SP110: variants seen among roughly 807,000 people sequenced by gnomAD.
SP110 encodes the protein SP110 nuclear body protein.
SP110 carries 62 observed loss-of-function variants against 92.7 expected under a neutral mutation model. That is an observed-to-expected ratio of 0.67 (90% CI 0.55 to 0.83). The LOEUF is 0.83. SP110 is among the 40% of genes least tolerant of loss of function. The pLI, the probability that SP110 is intolerant of heterozygous loss-of-function variation, is 0.00. For synonymous variants in SP110, 273 were observed against 305.3 expected, an observed-to-expected ratio of 0.89 and a Z score of 1.10; for missense variants, 793 against 863.9, an observed-to-expected ratio of 0.92 and a Z score of 1.03.
intron 8 of SP110, among the ~76,000 whole-genome samples, chr2:230,207,303 A>G (rs2043974918): frequency 1.3e-5 from 2 of 152,170 alleles, no homozygotes; most frequent in Admixed American, 6.5e-5. Flanking sequence ...GGGTTTGTGT[A>G]TGGGAGACAG....
intron 10 of SP110, among the ~76,000 whole-genome samples, chr2:230,192,985 T>C (rs2042704449): frequency 6.6e-6 from 1 of 152,190 alleles, no homozygotes; most frequent in South Asian, 2.1e-4. Context: ...TGTTGTCTTA[T>C]CTCTTTTCTT....
At position 230,202,683 on chromosome 2, in the gene SP110, AC is replaced by A. The variant is rs1226491943; in HGVS notation, c.943del (p.Val315TrpfsTer17). On this transcript the variant is annotated frameshift_variant, in exon 9 of 19. Transcript: ENST00000258381. LOFTEE classifies it high-confidence loss of function. Reference protein sequence around the residue: ...RHGIQKKLKRVDQVPQKKDDS... With the variant: ...RHGIQKKLKRXDQVPQKKDDS... ...ATCTTTCTTTTGAGGAACCTGATCCACCCTTTTGAGCTTCTTTTGGATTCCG... is the reference window on the plus strand; with the variant it reads ...ATCTTTCTTTTGAGGAACCTGATCCACCTTTTGAGCTTCTTTTGGATTCCG... The A allele has an allele frequency of 1.9e-6, 3 of 1,613,916 alleles. No individual in the cohort carries two copies. Among genetic ancestry groups the A allele is most frequent in the Non-Finnish European group, 2.5e-6 (3 of 1,179,942 alleles).
At position 230,170,745 on chromosome 2, in the gene SP110, T is replaced by A; in HGVS notation, c.1904A>T (p.Glu635Val). Residue 635 changes from glutamate (E) to valine (V), a missense_variant, in exon 18 of 19, where the codon GAG becomes GTG. Coordinates refer to ENST00000258381, the MANE Select transcript of SP110 (RefSeq NM_080424.4). Reference protein sequence around the residue: ...GIPFNIRDYGEPFQEAMWLDL... With the variant: ...GIPFNIRDYGVPFQEAMWLDL... ...CAACCACATTGCTTCCTGAAAGGGC[T>A]CACCGTAATCTCGAATCTTGGGGAC... 6.2e-7 allele frequency: 1 copy of A among 1,614,116 alleles called. No homozygotes were observed. The highest frequency in any genetic ancestry group is 1.7e-5 in the Admixed American group (1 of 60,016).
chr2:230,182,073 T>G (rs2042150207), intron 12 of SP110, among the ~76,000 whole-genome samples: 1 of 152,168 alleles, frequency 6.6e-6, no homozygotes. Flanking sequence ...CCATGAATTA[T>G]AGACTGGATA....
intron 12 of SP110, among the ~76,000 whole-genome samples, chr2:230,182,450 G>A (rs562241687): frequency 2.0e-5 from 3 of 150,244 alleles, no homozygotes; most frequent in African/African-American, 7.3e-5. Flanking sequence ...CATGTATCCT[G>A]GAACTTAAAA....
chr2:230,181,609 AAAGC>A (rs931740554), intron 12 of SP110, among the ~76,000 whole-genome samples: 3 of 152,312 alleles, frequency 2.0e-5, no homozygotes, highest in African/African-American at 7.2e-5. Context: ...TTACAAGAAA[AAAGC>A]AAACAACACC....
chr2:230,173,325 T>C (rs1397085762), intron 14 of SP110: 2 of 310,052 alleles, frequency 6.5e-6, no homozygotes, highest in Non-Finnish European at 1.3e-5. Context: ...CTGACCAAAG[T>C]AAGAAATGAT....
At chr2:230,194,564 T>C (rs1236708014) in intron 10 of SP110, among the ~76,000 whole-genome samples, 2 of 152,110 alleles carry the variant, frequency 1.3e-5, no homozygotes. Flanking sequence ...AAATGCAGCT[T>C]TTTTGTTTCT....
At chr2:230,172,760 C>T (rs2078480212) in intron 15 of SP110, 84 bp downstream of exon 15, 2 of 903,788 alleles carry the variant, frequency 2.2e-6, no homozygotes, top group Admixed American at 3.7e-5. Flanking sequence ...TGCGTCACAC[C>T]CTCGTCCCCG....
At chr2:230,212,696 C>T (rs558907889) in intron 4 of SP110, 65 bp downstream of exon 4, 133 of 1,588,114 alleles carry the variant, frequency 8.4e-5, no homozygotes, top group Non-Finnish European at 9.8e-5. Flanking sequence ...CTGGGATTGG[C>T]GGCAACATGG....
chr2:230,206,595 T>TATATATA (rs2043840701), intron 8 of SP110, among the ~76,000 whole-genome samples: 1 of 70,508 alleles, frequency 1.4e-5, no homozygotes, highest in Non-Finnish European at 2.8e-5. Context: ...GGTCCAGATT[T>TATATATA]TATATATATA....
rs41309088 is a variant in SP110 at position 230,212,968 on chromosome 2, C to T, written c.376G>A (p.Gly126Ser). The T allele has an allele frequency of 0.015, 24,606 of 1,613,966 alleles. 315 individuals carry two copies. Among genetic ancestry groups the T allele is most frequent in the Non-Finnish European group, 0.015 (18,166 of 1,179,950 alleles). Reference protein sequence around the residue: ...DTPILLEAPTGLAEGSSLHTP... With the variant: ...DTPILLEAPTSLAEGSSLHTP... ...TGGAGGGAGCTTCCTTCTGCTAGGC[C>T]AGTTGGGGCTTCAAGTAGGATTGGT... The change falls in exon 4 of 19, where the codon GGC (glycine) becomes AGC (serine). Residue 126 changes from glycine (G) to serine (S), a missense_variant. Coordinates refer to ENST00000258381, the MANE Select transcript of SP110 (RefSeq NM_080424.4).
At chr2:230,193,832 G>C (rs894273808) in intron 10 of SP110, among the ~76,000 whole-genome samples, 3 of 152,266 alleles carry the variant, frequency 2.0e-5, no homozygotes, top group Admixed American at 2.0e-4. Context: ...GCTCAGTTGG[G>C]GCCATTTTGG....
chr2:230,196,829 G>C (rs2042899429), intron 10 of SP110, among the ~76,000 whole-genome samples: 1 of 152,140 alleles, frequency 6.6e-6, no homozygotes, highest in African/African-American at 2.4e-5. Flanking sequence ...TGCAGAGAAT[G>C]ATGGTTTCCA....
At chr2:230,216,749 G>A in intron 2 of SP110, 32 bp downstream of exon 2, 1 of 1,612,584 alleles carries the variant, frequency 6.2e-7, no homozygotes. Flanking sequence ...GGTGGGGGCT[G>A]GGCTGCCATG....
chr2:230,176,591 A>C, intron 14 of SP110: 5 of 1,612,656 alleles, frequency 3.1e-6, no homozygotes, highest in Middle Eastern at 1.6e-4. Flanking sequence ...CAGAGCTTGG[A>C]AACTCAGAAG....
Position 230,186,001 on chromosome 2 carries a change from T to G in SP110, c.1272A>C (p.Arg424Ser). 1.2e-6 allele frequency: 2 copies of G among 1,614,104 alleles called. No homozygotes were observed. Among genetic ancestry groups the G allele is most frequent in the Non-Finnish European group, 1.7e-6 (2 of 1,179,944 alleles). The change falls in exon 11 of 19, where the codon AGA (arginine) becomes AGC (serine). Residue 424 changes from arginine to serine, a missense_variant. By Grantham distance (110) the Arg-to-Ser change is moderately radical. Transcript: ENST00000258381. ...KARTKCARKS[R>S]LKEKKKEKDI... Reference sequence around the variant, plus strand: ...TTCCATCATTAGCCTTACCTTTCAATCTGGACTTTCGGGCACATTTAGTTC... The same window carrying G: ...TTCCATCATTAGCCTTACCTTTCAAGCTGGACTTTCGGGCACATTTAGTTC...
At chr2:230,218,479 G>T (rs2045476692) in intron 1 of SP110, among the ~76,000 whole-genome samples, 1 of 152,168 alleles carries the variant, frequency 6.6e-6, no homozygotes, top group South Asian at 2.1e-4. Flanking sequence ...ATATGCACAG[G>T]GGAAGGAGAT....
At chr2:230,213,803 T>C (rs2044768370) in intron 3 of SP110, 1 of 152,408 alleles carries the variant, frequency 6.6e-6, no homozygotes, top group Non-Finnish European at 1.5e-5. Context: ...GTCCCCATGG[T>C]TCTCAGATGT....
Sources: gnomAD v4.1 joint callset for allele counts (sites outside exome capture counted in the v4.1 genomes callset) on GRCh38, gnomAD v4.1.1 for gene constraint, MANE v1.5 for transcripts, NCBI Gene and HGNC (gene_info 2026-07-23, HGNC 2026-07-21) for gene names.